Variants in VPS8 observed in about 807,000 individuals in gnomAD.
VPS8 encodes vacuolar protein sorting-associated protein 8 homolog.
VPS8 carries 129 observed loss-of-function variants against 216.4 expected under a neutral mutation model. The ratio of observed to expected loss-of-function variants is 0.60; its 90% CI spans 0.52 to 0.69. The LOEUF (loss-of-function observed/expected upper bound fraction) is 0.69. Ranked by LOEUF, VPS8 falls within the 30% of genes least tolerant of loss-of-function variation. VPS8 has a pLI of 0.00. For synonymous variants in VPS8, 571 were observed against 565.4 expected, an observed-to-expected ratio of 1.01 and a Z score of -0.14; for missense variants, 1,531 against 1,683.5, an observed-to-expected ratio of 0.91 and a Z score of 1.59.
chr3:185,000,807 G>A (rs996138345), intron 45 of VPS8, among the ~76,000 whole-genome samples: 4 of 151,896 alleles, frequency 2.6e-5, no homozygotes, highest in East Asian at 1.9e-4. Context: ...AGGTTTCGTC[G>A]TGTTAGCCAG....
chr3:184,839,975 A>T, intron 7 of VPS8: 2 of 1,181,946 alleles, frequency 1.7e-6, no homozygotes, highest in South Asian at 1.9e-5. Context: ...TTTATAAGCT[A>T]TCATATCTAT....
At chr3:184,876,621 C>T (rs1010571138) in intron 21 of VPS8, among the ~76,000 whole-genome samples, 3 of 152,162 alleles carry the variant, frequency 2.0e-5, no homozygotes, top group African/African-American at 7.2e-5. Context: ...TCTGTTTCCT[C>T]ACAAAGCCTT....
At chr3:184,934,467 A>C (rs1741251883) in intron 34 of VPS8, among the ~76,000 whole-genome samples, 1 of 152,138 alleles carries the variant, frequency 6.6e-6, no homozygotes, top group South Asian at 2.1e-4. Context: ...CACCACGCCC[A>C]GCCCCATCCT....
At chr3:184,825,026 C>T (rs1718441070) in intron 2 of VPS8, 2 of 443,924 alleles carry the variant, frequency 4.5e-6, no homozygotes, top group Admixed American at 3.3e-5. Context: ...CTACCTCAGC[C>T]TCCCAAGTAG....
intron 36 of VPS8, among the ~76,000 whole-genome samples, chr3:184,942,009 T>C (rs1181061821): frequency 1.3e-5 from 2 of 152,186 alleles, no homozygotes; most frequent in African/African-American, 4.8e-5. Context: ...TCCTCTTACT[T>C]TATGTCTTAT....
At chr3:184,844,512 CAATT>C (rs1310671976) in intron 8 of VPS8, among the ~76,000 whole-genome samples, 1 of 152,054 alleles carries the variant, frequency 6.6e-6, no homozygotes, top group Non-Finnish European at 1.5e-5. Flanking sequence ...TCCACACACA[CAATT>C]AAACTGGATT....
rs1748430717 is a variant in VPS8, at chr3:184,971,676, A to T, written c.3344A>T (p.Asp1115Val). Reference protein sequence around the residue: ...ENTKEDPSLKDVEDTMVETIA... With the variant: ...ENTKEDPSLKVVEDTMVETIA... ...ACCAAAGAGGATCCCTCATTGAAGG[A>T]TGTTGAAGATACTATGGTGGAGACC... The change falls in exon 40 of 48, where the codon GAT (aspartate) becomes GTT (valine). Residue 1115 changes from aspartate (D) to valine (V), a missense_variant. Around this residue, in one of 3 missense-constraint regions of VPS8, gnomAD observed 1,318 missense variants for 1,468.4 expected, o/e 0.90. Transcript: ENST00000625842. 6.2e-7 allele frequency: 1 copy of T among 1,613,338 alleles called. No homozygotes were observed. The highest frequency in any genetic ancestry group is 8.5e-7 in the Non-Finnish European group (1 of 1,179,518).
chr3:184,934,863 AT>A (rs1474080129), intron 34 of VPS8, among the ~76,000 whole-genome samples: 1 of 152,176 alleles, frequency 6.6e-6, no homozygotes, highest in Non-Finnish European at 1.5e-5. Flanking sequence ...GCCTCTTACA[AT>A]GAGCTGAAGA....
intron 46 of VPS8, among the ~76,000 whole-genome samples, chr3:185,033,669 A>C (rs574580164): frequency 1.3e-5 from 2 of 152,330 alleles, no homozygotes; most frequent in East Asian, 3.9e-4. Flanking sequence ...ATATGGTAAG[A>C]CTATCTTTAC....
intron 30 of VPS8, among the ~76,000 whole-genome samples, chr3:184,925,289 A>G (rs1287379239): frequency 1.3e-5 from 2 of 152,208 alleles, no homozygotes; most frequent in African/African-American, 2.4e-5. Context: ...GACTATTATG[A>G]CCATCACCTG....
chr3:185,037,807 T>A (rs370864201), intron 46 of VPS8, among the ~76,000 whole-genome samples: 2 of 152,220 alleles, frequency 1.3e-5, no homozygotes, highest in East Asian at 3.8e-4. Flanking sequence ...CATTCTTTTT[T>A]ATAATTTGTA....
intron 26 of VPS8, 130 bp downstream of exon 26, chr3:184,913,691 G>T (rs530621388): frequency 1.3e-4 from 88 of 678,562 alleles, no homozygotes; most frequent in Non-Finnish European, 1.9e-4. Flanking sequence ...TAGAGCAGTG[G>T]TTCTCAACCA....
At chr3:184,926,376 C>CAATAAATA (rs150917702) in intron 30 of VPS8, among the ~76,000 whole-genome samples, 14 of 149,592 alleles carry the variant, frequency 9.4e-5, no homozygotes, top group African/African-American at 2.5e-4. Flanking sequence ...GACTCTGTCT[C>CAATAAATA]AATAAATAAA....
chr3:184,964,227 T>C (rs1447208253), intron 37 of VPS8, among the ~76,000 whole-genome samples: 2 of 152,070 alleles, frequency 1.3e-5, no homozygotes, highest in Non-Finnish European at 2.9e-5. Context: ...CTAATTCAGG[T>C]GTGTAACATT....
At chr3:184,947,650 G>A (rs2109377170) in intron 36 of VPS8, among the ~76,000 whole-genome samples, 1 of 152,102 alleles carries the variant, frequency 6.6e-6, no homozygotes, top group South Asian at 2.1e-4. Context: ...GTTAATGTTT[G>A]GGGCAGTCTG....
chr3:184,911,803 C>G (rs1736584157), intron 25 of VPS8, among the ~76,000 whole-genome samples: 1 of 152,184 alleles, frequency 6.6e-6, no homozygotes. Context: ...CCTCTTTCCT[C>G]AAGGAGTTAA....
chr3:184,884,433 A>G (rs1181443734), intron 21 of VPS8, among the ~76,000 whole-genome samples: 1 of 152,130 alleles, frequency 6.6e-6, no homozygotes, highest in Non-Finnish European at 1.5e-5. Context: ...TAGTATTTTC[A>G]GGATCACTTT....
intron 35 of VPS8, among the ~76,000 whole-genome samples, chr3:184,936,753 T>G (rs1000626782): frequency 1.3e-5 from 2 of 151,958 alleles, no homozygotes; most frequent in Non-Finnish European, 2.9e-5. Flanking sequence ...TTTTTTTTTT[T>G]TTGAGATGGA....
At chr3:184,997,286 C>G (rs1752741753) in intron 44 of VPS8, among the ~76,000 whole-genome samples, 1 of 152,206 alleles carries the variant, frequency 6.6e-6, no homozygotes, top group Non-Finnish European at 1.5e-5. Context: ...AGTCTTGACT[C>G]TACTACATGC....
Sources: gnomAD v4.1 joint callset for allele counts (sites outside exome capture counted in the v4.1 genomes callset) on GRCh38, gnomAD v4.1.1 for gene constraint, gnomAD v4.1.1 regional missense constraint, MANE v1.5 for transcripts, NCBI Gene and HGNC (gene_info 2026-07-23, HGNC 2026-07-21) for gene names.